Variants in STRAP observed in about 807,000 individuals in gnomAD.
The protein encoded by STRAP is serine-threonine kinase receptor-associated protein.
A neutral mutation model predicts 47.0 loss-of-function variants in STRAP; 16 were observed. That is an observed-to-expected ratio of 0.34 (90% confidence interval 0.23 to 0.52). The LOEUF is 0.52. Ranked by LOEUF, STRAP falls within the 20% of genes least tolerant of loss-of-function variation. The pLI is 0.96. For synonymous variants in STRAP, 130 were observed against 142.7 expected (o/e 0.91, Z 0.63); for missense variants, 293 against 420.0 (o/e 0.70, Z 2.64).
intron 2 of STRAP, among the ~76,000 whole-genome samples, chr12:15,888,474 C>T (rs1947989076): frequency 6.6e-6 from 1 of 152,146 alleles, no homozygotes; most frequent in Non-Finnish European, 1.5e-5. Flanking sequence ...GACATTATTT[C>T]TTTCAGAACA....
At chr12:15,885,342 C>A (rs180960497) in intron 2 of STRAP, among the ~76,000 whole-genome samples, 1 of 152,016 alleles carries the variant, frequency 6.6e-6, no homozygotes, top group African/African-American at 2.4e-5. Context: ...GTGCACGCCA[C>A]CACGCCTGGC....
At chr12:15,898,621 C>T (rs1948079689) in intron 7 of STRAP, among the ~76,000 whole-genome samples, 1 of 152,180 alleles carries the variant, frequency 6.6e-6, no homozygotes, top group South Asian at 2.1e-4. Context: ...AAGGGAAAGG[C>T]ATGGGGATTA....
chr12:15,893,246 C>G (rs1332161438), intron 4 of STRAP, among the ~76,000 whole-genome samples: 1 of 151,876 alleles, frequency 6.6e-6, no homozygotes, highest in Non-Finnish European at 1.5e-5. Flanking sequence ...TTTCTATTTC[C>G]CTTTTTTCCT....
At chr12:15,891,389 T>A (rs951755365) in intron 4 of STRAP, among the ~76,000 whole-genome samples, 1 of 152,230 alleles carries the variant, frequency 6.6e-6, no homozygotes, top group East Asian at 1.9e-4. Flanking sequence ...GAAAGAATTT[T>A]AAAAAATCTG....
At chr12:15,899,065 T>A (rs1383386690) in intron 7 of STRAP, among the ~76,000 whole-genome samples, 1 of 152,234 alleles carries the variant, frequency 6.6e-6, no homozygotes, top group Non-Finnish European at 1.5e-5. Context: ...TAGAATGTTT[T>A]TGGTTTCATA....
chr12:15,898,070 C>A, intron 7 of STRAP, 52 bp downstream of exon 7: 1 of 1,463,374 alleles, frequency 6.8e-7, no homozygotes, highest in South Asian at 1.3e-5. Context: ...TGTTAAGTCC[C>A]AGTAATTAAC....
At chr12:15,899,365 C>T (rs1948084888) in intron 7 of STRAP, among the ~76,000 whole-genome samples, 1 of 152,212 alleles carries the variant, frequency 6.6e-6, no homozygotes, top group African/African-American at 2.4e-5. Context: ...TACATTTTCT[C>T]ATTAGGTTCC....
rs914501085 is a variant in STRAP, at chr12:15,882,646, AAG to A, written c.-56_-55del. 30 of 1,418,556 alleles carry A rather than the reference AAG, an allele frequency of 2.1e-5. No individual in the cohort carries two copies. In the African/African-American group the frequency reaches 3.7e-4, roughly 17 times the overall value. 87.9% of individuals were successfully genotyped at this position (1,418,556 alleles called of 1,614,324 possible). Reference sequence around the variant, plus strand: ...GGAGCAGCCCGAGGCACTGCAGCAGAAGAGAGAAAAGACAACGACGACCCTCA... The same window carrying A: ...GGAGCAGCCCGAGGCACTGCAGCAGAAGAGAAAAGACAACGACGACCCTCA... On this transcript the variant is annotated 5_prime_UTR_variant, in exon 1 of 10. Coordinates refer to ENST00000419869, the MANE Select transcript of STRAP (RefSeq NM_007178.4).
Position 15,894,065 on chromosome 12 carries a change from G to C in STRAP, c.422G>C (p.Gly141Ala). The C allele has an allele frequency of 6.2e-7, 1 of 1,613,004 alleles. No homozygotes were observed. Among genetic ancestry groups the C allele is most frequent in the African/African-American group, 1.3e-5 (1 of 74,996 alleles). Residue 141 changes from glycine (G) to alanine (A), a missense_variant, in exon 5 of 10, where the codon GGT (glycine) becomes GCT (alanine). Transcript: ENST00000419869. The surrounding 1 kb of genome is among the most constrained non-coding windows in gnomAD (Gnocchi z 4.9). ...TCTCAAGAACCTAAGGAAATTAGTG[G>C]TCATACTTCTGGTATAAAAAAAGCT... ...KPEAEPKEIS[G>A]HTSGIKKALW... is the part of the protein sequence containing the mutation.
intron 7 of STRAP, among the ~76,000 whole-genome samples, chr12:15,898,961 G>C (rs776482104): frequency 1.3e-5 from 2 of 152,124 alleles, no homozygotes; most frequent in African/African-American, 4.8e-5. Context: ...TATTTTAATT[G>C]CTTATGGTTC....
At position 15,890,259 on chromosome 12, in the gene STRAP, T is replaced by C. The variant is rs1276106844; in HGVS notation, c.330+250T>C. On this transcript the variant is annotated intron_variant, in intron 3 of 9. Transcript: ENST00000419869. This position sits in a 1 kb window ranked among gnomAD's most constrained non-coding sequence, Gnocchi z 4.5. ...AACATGTAAAAAACATCTGAAAAGC[T>C]CAAGTAGCCTTCCCCAACTACTAAT... is the stretch of plus-strand genomic sequence containing the variant. 6.6e-6 allele frequency among the ~76,000 whole-genome samples: 1 copy of C among 152,186 alleles called. No homozygotes were observed. Among genetic ancestry groups the C allele is most frequent in the African/African-American group, 2.4e-5 (1 of 41,454 alleles).
intron 2 of STRAP, among the ~76,000 whole-genome samples, chr12:15,886,999 G>T (rs73321466): frequency 0.066 from 10,109 of 152,118 alleles, 1,080 homozygotes; most frequent in African/African-American, 0.22. Context: ...CTCCCAAGAG[G>T]GCTTAAGTAG....
rs777127681 is a variant in STRAP, at chr12:15,882,699, G to A, written c.-9G>A. 6.2e-7 allele frequency: 1 copy of A among 1,604,482 alleles called. No individual in the cohort carries two copies. Among genetic ancestry groups the A allele is most frequent in the Non-Finnish European group, 8.5e-7 (1 of 1,176,814 alleles). On this transcript the variant is annotated 5_prime_UTR_variant, in exon 1 of 10. Coordinates refer to ENST00000419869, the MANE Select transcript of STRAP (RefSeq NM_007178.4). ...GCTCGCCAGTCCGGTCGCTGGCTTC[G>A]CCGCCGCCATGGCAATGAGACAGAC...
At chr12:15,883,257 T>A in intron 1 of STRAP, 1 of 1,060,982 alleles carries the variant, frequency 9.4e-7, no homozygotes, top group Non-Finnish European at 1.4e-6. Flanking sequence ...AAACTGAGAT[T>A]CAGGCTAAGA....
Position 15,889,968 on chromosome 12 carries a change from C to T in STRAP, c.289C>T (p.Leu97=). Residue 97 remains leucine, a synonymous_variant, in exon 3 of 10, where the codon CTG becomes TTG. Coordinates refer to ENST00000419869, the MANE Select transcript of STRAP (RefSeq NM_007178.4). Reference sequence around the variant, plus strand: ...TGTCTCAGGAGATGAATTGATGACCCTGGCTCATAAACACATTGTCAAGAC... The same window carrying T: ...TGTCTCAGGAGATGAATTGATGACCTTGGCTCATAAACACATTGTCAAGAC... ...DAVSGDELMT[L]AHKHIVKTVD... is the part of the protein sequence containing the mutation. The T allele has an allele frequency of 6.2e-7, 1 of 1,613,764 alleles. No homozygotes were observed. The highest frequency in any genetic ancestry group is 8.5e-7 in the Non-Finnish European group (1 of 1,179,830).
At position 15,895,373 on chromosome 12, in the gene STRAP, C is replaced by A. The variant is rs779238193; in HGVS notation, c.515C>A (p.Ala172Asp). 6.3e-7 allele frequency: 1 copy of A among 1,581,100 alleles called. No homozygotes were observed. Among genetic ancestry groups the A allele is most frequent in the East Asian group, 2.3e-5 (1 of 43,726 alleles). The change falls in exon 6 of 10, where the codon GCT becomes GAT. Residue 172 changes from alanine to aspartate, a missense_variant. By Grantham distance (126) the Ala-to-Asp change is moderately radical. Around this residue, in one of 5 missense-constraint regions of STRAP, gnomAD observed 152 missense variants for 183.0 expected, o/e 0.83. Coordinates refer to ENST00000419869, the MANE Select transcript of STRAP (RefSeq NM_007178.4). ...TTATTTTGCAGACTTTGGGATCATG[C>A]TACTATGACAGAAGTGAAATCTCTA... ...DDKTVRLWDH[A>D]TMTEVKSLNF...
chr12:15,883,033 C>T (rs1947936970), intron 1 of STRAP: 1 of 1,530,528 alleles, frequency 6.5e-7, no homozygotes, highest in South Asian at 1.2e-5. Flanking sequence ...AAACTATTAC[C>T]TCCAACTAAG....
Position 15,903,080 on chromosome 12 carries a change from A to C in STRAP, c.*102A>C, listed in dbSNP as rs1948118591. 3.9e-6 allele frequency: 5 copies of C among 1,267,566 alleles called. No individual in the cohort carries two copies. The highest frequency in any genetic ancestry group is 5.3e-6 in the Non-Finnish European group (5 of 949,586). 78.5% of individuals were successfully genotyped at this position (1,267,566 alleles called of 1,614,324 possible). On this transcript the variant is annotated 3_prime_UTR_variant, in exon 10 of 10. Coordinates refer to ENST00000419869, the MANE Select transcript of STRAP (RefSeq NM_007178.4). ...ACTGTCTGCTTAAGGCAGAAACAGC[A>C]GTAAATAATGAGGAAAATGAATTAG... is the stretch of plus-strand genomic sequence containing the variant.
chr12:15,882,469 TCCTC>T lies in STRAP; in HGVS notation c.-227_-224del. Reference sequence around the variant, plus strand: ...CTCCGCTTCTCCCCATCCCCTACTTTCCTCCCTCCCTCCCTTTCCCTCCCTCGTC... The same window carrying T: ...CTCCGCTTCTCCCCATCCCCTACTTTCCTCCCTCCCTTTCCCTCCCTCGTC... On this transcript the variant is annotated 5_prime_UTR_variant, in exon 1 of 10. Transcript: ENST00000419869. 25 of 537,614 alleles carry T rather than the reference TCCTC, an allele frequency of 4.7e-5. No individual in the cohort carries two copies. The highest frequency in any genetic ancestry group is 9.5e-5 in the East Asian group (3 of 31,612). 33.3% of individuals were successfully genotyped at this position (537,614 alleles called of 1,614,324 possible).
Sources: allele counts gnomAD v4.1 joint callset (sites outside exome capture counted in the v4.1 genomes callset), GRCh38; gene constraint gnomAD v4.1.1; regional missense constraint gnomAD v4.1.1; non-coding constraint Gnocchi (gnomAD v3.1); transcripts MANE v1.5; gene names NCBI Gene and HGNC (gene_info 2026-07-23, HGNC 2026-07-21).